Variants in CDC42 observed in about 807,000 individuals in gnomAD.
CDC42 encodes the protein cell division control protein 42 homolog.
In CDC42, 1 loss-of-function variant was observed where a neutral mutation model predicts 20.8. The ratio of observed to expected loss-of-function variants is 0.05; its 90% CI spans 0.02 to 0.23. The LOEUF (loss-of-function observed/expected upper bound fraction) is 0.23. CDC42 is among the 10% of genes least tolerant of loss of function. The pLI, the probability that CDC42 is intolerant of heterozygous loss-of-function variation, is 1.00. For synonymous variants in CDC42, 72 were observed against 84.8 expected, an observed-to-expected ratio of 0.85 and a Z score of 0.83; for missense variants, 49 against 227.9, an observed-to-expected ratio of 0.21 and a Z score of 5.05.
At chr1:22,071,124 A>G (rs1463856813) in intron 1 of CDC42, among the ~76,000 whole-genome samples, 1 of 143,484 alleles carries the variant, frequency 7.0e-6, no homozygotes, top group East Asian at 2.1e-4. Flanking sequence ...GCTCACTGCA[A>G]GCTCTGCCTC....
chr1:22,067,532 A>G (rs931018590), intron 1 of CDC42, among the ~76,000 whole-genome samples: 3 of 152,174 alleles, frequency 2.0e-5, no homozygotes, highest in East Asian at 3.9e-4. Flanking sequence ...TTTAGTGGAG[A>G]CAGGGTTTCA....
intron 1 of CDC42, chr1:22,068,509 C>T (rs547159887): frequency 3.9e-5 from 6 of 153,218 alleles, no homozygotes; most frequent in South Asian, 2.1e-4. Context: ...TCATCTGACA[C>T]GTAAAATTCC....
At chr1:22,071,512 T>C (rs538946218) in intron 1 of CDC42, among the ~76,000 whole-genome samples, 1 of 152,318 alleles carries the variant, frequency 6.6e-6, no homozygotes, top group Non-Finnish European at 1.5e-5. Context: ...GTACTTTTGG[T>C]TGCCTAAAAA....
rs1645744486 is a variant in CDC42 at position 22,094,575 on chromosome 1, G to A, written c.*3058G>A. Among the ~76,000 whole-genome samples the A allele has an allele frequency of 6.7e-6, 1 of 148,644 alleles. No individual in the cohort carries two copies. The highest frequency in any genetic ancestry group is 2.6e-5 in the African/African-American group (1 of 38,214). On this transcript the variant is annotated 3_prime_UTR_variant, in exon 6 of 6. Transcript: ENST00000656825. ...GCCTCCCAAAGTGCTGGGATTACAG[G>A]CGTGAGCCACCGCGCCCGGCCAGAA... is the stretch of plus-strand genomic sequence containing the variant.
chr1:22,093,035 A>G lies in CDC42; in HGVS notation c.*1518A>G, dbSNP rs915604513. ...TTGACTCTTGATAACATCAATTTCT[A>G]ACAAACTTTGGGATAAAATTTTAAA... is the stretch of plus-strand genomic sequence containing the variant. On this transcript the variant is annotated 3_prime_UTR_variant, in exon 6 of 6. Coordinates refer to ENST00000656825, the MANE Select transcript of CDC42 (RefSeq NM_001791.4). 6.6e-6 allele frequency: 1 copy of G among 152,612 alleles called. No individual in the cohort carries two copies. The highest frequency in any genetic ancestry group is 1.5e-5 in the Non-Finnish European group (1 of 68,044). 9.5% of individuals were successfully genotyped at this position (152,612 alleles called of 1,614,324 possible). A position where few individuals can be genotyped will look rare whatever the true frequency, so the allele number is the denominator to read the frequency against.
At position 22,092,401 on chromosome 1, in the gene CDC42, T is replaced by TG. The variant is rs1645727471; in HGVS notation, c.*884_*885insG. ...GAATTGAGTTTGTAATTAAAAAAAT[T>TG]TTTTTCCCTTTCAGTCATTGTCTTA... On this transcript the variant is annotated 3_prime_UTR_variant, in exon 6 of 6. Coordinates refer to ENST00000656825, the MANE Select transcript of CDC42 (RefSeq NM_001791.4). 2 of 152,742 alleles carry TG rather than the reference T, an allele frequency of 1.3e-5. No homozygotes were observed. The highest frequency in any genetic ancestry group is 1.5e-5 in the Non-Finnish European group (1 of 68,014). The allele number at this position is 152,742 out of a possible 1,614,324, so 9.5% of individuals were successfully genotyped here.
chr1:22,074,713 C>T (rs1196858542), intron 1 of CDC42, among the ~76,000 whole-genome samples: 1 of 152,180 alleles, frequency 6.6e-6, no homozygotes, highest in African/African-American at 2.4e-5. Context: ...CCACTGTGCT[C>T]TTTAATACAT....
At chr1:22,064,115 C>G (rs1645395272) in intron 1 of CDC42, 1 of 150,938 alleles carries the variant, frequency 6.6e-6, no homozygotes, top group African/African-American at 2.4e-5. Flanking sequence ...GATACAGCAT[C>G]TCATTGTTTC....
At position 22,094,543 on chromosome 1, in the gene CDC42, C is replaced by T. The variant is rs918790157; in HGVS notation, c.*3026C>T. ...CGATCTCCTGACCTCGTGATCCGCC[C>T]GCCTCGGCCTCCCAAAGTGCTGGGA... is the stretch of plus-strand genomic sequence containing the variant. On this transcript the variant is annotated 3_prime_UTR_variant, in exon 6 of 6. Coordinates refer to ENST00000656825, the MANE Select transcript of CDC42 (RefSeq NM_001791.4). Among the ~76,000 whole-genome samples the T allele has an allele frequency of 8.1e-5, 12 of 148,138 alleles. No homozygotes were observed. The highest frequency in any genetic ancestry group is 3.5e-3 in the Middle Eastern group (1 of 284).
chr1:22,076,917 G>C (rs1009261992), intron 1 of CDC42, among the ~76,000 whole-genome samples: 2 of 152,122 alleles, frequency 1.3e-5, no homozygotes, highest in Non-Finnish European at 2.9e-5. Context: ...GGGAGGCCGA[G>C]GTGAGTGGAT....
chr1:22,094,455 G>A lies in CDC42; in HGVS notation c.*2938G>A, dbSNP rs1462818886. Among the ~76,000 whole-genome samples, 6 of 145,526 alleles carry A rather than the reference G, an allele frequency of 4.1e-5. No individual in the cohort carries two copies. Among genetic ancestry groups the A allele is most frequent in the Admixed American group, 6.8e-5 (1 of 14,632 alleles). ...TGGGACTACCGGCGCCCGCTACCACGCCCGGCTAATTTTTTGTATTTTTAG... is the reference window on the plus strand; with the variant it reads ...TGGGACTACCGGCGCCCGCTACCACACCCGGCTAATTTTTTGTATTTTTAG... On this transcript the variant is annotated 3_prime_UTR_variant, in exon 6 of 6. Transcript: ENST00000656825.
intron 1 of CDC42, among the ~76,000 whole-genome samples, chr1:22,070,146 T>C (rs1202425402): frequency 6.6e-6 from 1 of 152,220 alleles, no homozygotes; most frequent in Admixed American, 6.5e-5. Context: ...AAAAGTAAAG[T>C]AGAGATTCCT....
chr1:22,070,891 C>A (rs1645482794), intron 1 of CDC42, among the ~76,000 whole-genome samples: 1 of 152,148 alleles, frequency 6.6e-6, no homozygotes, highest in Admixed American at 6.6e-5. Flanking sequence ...ATAAATGACC[C>A]TGTCTCCTTT....
chr1:22,091,970 G>A lies in CDC42; in HGVS notation c.*453G>A, dbSNP rs1338631761. 1 of 152,446 alleles carries A rather than the reference G, an allele frequency of 6.6e-6. No individual in the cohort carries two copies. Among genetic ancestry groups the A allele is most frequent in the Non-Finnish European group, 1.5e-5 (1 of 68,310 alleles). The allele number at this position is 152,446 out of a possible 1,614,324, so 9.4% of individuals were successfully genotyped here. A position where few individuals can be genotyped will look rare whatever the true frequency, so the allele number is the denominator to read the frequency against. Reference sequence around the variant, plus strand: ...CTCTTTTTTTTGGGGGGGAGTGTGTGTGGGGTTTGTTTTTTAGTCTTGTTT... The same window carrying A: ...CTCTTTTTTTTGGGGGGGAGTGTGTATGGGGTTTGTTTTTTAGTCTTGTTT... On this transcript the variant is annotated 3_prime_UTR_variant, in exon 6 of 6. Coordinates refer to ENST00000656825, the MANE Select transcript of CDC42 (RefSeq NM_001791.4).
intron 1 of CDC42, among the ~76,000 whole-genome samples, chr1:22,060,469 T>C (rs918389243): frequency 1.3e-5 from 2 of 152,166 alleles, no homozygotes; most frequent in Admixed American, 6.6e-5. Flanking sequence ...AAGAATATTA[T>C]GTTAATTAGT....
intron 1 of CDC42, among the ~76,000 whole-genome samples, chr1:22,071,931 T>G (rs1420674820): frequency 6.6e-6 from 1 of 152,154 alleles, no homozygotes; most frequent in Non-Finnish European, 1.5e-5. Flanking sequence ...GGCTCAGTCT[T>G]GGAAGACTGC....
intron 1 of CDC42, among the ~76,000 whole-genome samples, chr1:22,063,082 A>G (rs551112987): frequency 2.1e-4 from 32 of 152,262 alleles, no homozygotes; most frequent in African/African-American, 6.5e-4. Context: ...TTTAGAGTCT[A>G]TATGACTTGG....
At chr1:22,079,893 C>T (rs1275252989) in intron 2 of CDC42, among the ~76,000 whole-genome samples, 1 of 151,980 alleles carries the variant, frequency 6.6e-6, no homozygotes, top group Non-Finnish European at 1.5e-5. Flanking sequence ...TGTTGTACAT[C>T]TCTGGAAAAG....
At chr1:22,078,300 T>G in intron 1 of CDC42, 129 bp from the exon 2 acceptor site, 1 of 492,552 alleles carries the variant, frequency 2.0e-6, no homozygotes. Context: ...GTGTCTCTTA[T>G]TGGGTTCTTT....
Sources: gnomAD v4.1 joint callset for allele counts (sites outside exome capture counted in the v4.1 genomes callset) on GRCh38, gnomAD v4.1.1 for gene constraint, MANE v1.5 for transcripts, NCBI Gene and HGNC (gene_info 2026-07-23, HGNC 2026-07-21) for gene names.